Variants in SLK observed in about 807,000 individuals in gnomAD.
SLK encodes STE20 like kinase.
In SLK, 67 loss-of-function variants were observed where a neutral mutation model predicts 147.7. The observed-to-expected ratio is 0.45, with a 90% CI of 0.37 to 0.56. The LOEUF (loss-of-function observed/expected upper bound fraction) is 0.56. SLK is among the 20% of genes least tolerant of loss of function. The pLI, the probability that SLK is intolerant of heterozygous loss-of-function variation, is 0.00. For missense variants in SLK, 1,136 were observed against 1,438.8 expected (o/e 0.79, Z 3.41); for synonymous variants, 441 against 475.0 (o/e 0.93, Z 0.93).
Position 104,019,783 on chromosome 10 carries a change from AAAAC to A in SLK, c.3184_3187del (p.Asn1062AspfsTer28). 1 of 1,614,178 alleles carries A rather than the reference AAAAC, an allele frequency of 6.2e-7. No individual in the cohort carries two copies. The highest frequency in any genetic ancestry group is 8.5e-7 in the Non-Finnish European group (1 of 1,179,966). On this transcript the variant is annotated frameshift_variant, in exon 16 of 19. Coordinates refer to ENST00000369755, the MANE Select transcript of SLK (RefSeq NM_014720.4). LOFTEE classifies it high-confidence loss of function. ...AATCAAAGACTTATTGAGGAATTGA[AAAAC>A]AGACAGACTCAAGAAAGAGCAAGAC...
chr10:104,012,625 A>G (rs1844414174), intron 13 of SLK, among the ~76,000 whole-genome samples: 1 of 152,214 alleles, frequency 6.6e-6, no homozygotes, highest in Non-Finnish European at 1.5e-5. Flanking sequence ...ACACCTGGGT[A>G]GTGGTAGAGC....
In SLK at chr10:103,993,065, A is replaced by G. The variant is rs1403149915; in HGVS notation, c.446A>G (p.Asn149Ser). The G allele has an allele frequency of 1.2e-6, 2 of 1,611,142 alleles. No homozygotes were observed. ...GATGCATTGAACTACTTACATGATA[A>G]TAAGATCATCCACAGAGATCTGAAG... Reference protein sequence around the residue: ...TLDALNYLHDNKIIHRDLKAG... With the variant: ...TLDALNYLHDSKIIHRDLKAG... Residue 149 changes from asparagine to serine, a missense_variant, in exon 4 of 19, where the codon AAT becomes AGT. Transcript: ENST00000369755.
At chr10:104,001,977 A>C (rs987406704) in intron 8 of SLK, among the ~76,000 whole-genome samples, 195 bp from the exon 9 acceptor site, 4 of 152,138 alleles carry the variant, frequency 2.6e-5, no homozygotes, top group Non-Finnish European at 5.9e-5. Flanking sequence ...CGGTCTCCCA[A>C]AGTGCTGGGA....
At position 104,028,764 on chromosome 10, in the gene SLK, A is replaced by G. The variant is rs1475343685; in HGVS notation, c.*3044A>G. 1.3e-5 allele frequency: 2 copies of G among 152,200 alleles called. No individual in the cohort carries two copies. Among genetic ancestry groups the G allele is most frequent in the Non-Finnish European group, 2.9e-5 (2 of 68,046 alleles). The allele number at this position is 152,200 out of a possible 1,614,324, so 9.4% of individuals were successfully genotyped here. On this transcript the variant is annotated 3_prime_UTR_variant, in exon 19 of 19. Transcript: ENST00000369755. ...TCCCATTCCACACTGTGCTTAAATG[A>G]CAAAGACTCTTCTGAGAAGCCAAAT...
chr10:104,003,267 A>C lies in SLK; in HGVS notation c.2089A>C (p.Thr697Pro). 3 of 1,613,836 alleles carry C rather than the reference A, an allele frequency of 1.9e-6. No individual in the cohort carries two copies. The highest frequency in any genetic ancestry group is 2.5e-6 in the Non-Finnish European group (3 of 1,179,922). ...GTCAATTAAAAAAGAGCCTGAAGTT[A>C]CTGTAGTTTCACAGCCCACTGAACC... ...PVSIKKEPEVTVVSQPTEPQP... is the reference protein window; with the variant it reads ...PVSIKKEPEVPVVSQPTEPQP... Residue 697 changes from threonine (T) to proline (P), a missense_variant, in exon 9 of 19, where the codon ACT becomes CCT. Around this residue, in one of 6 missense-constraint regions of SLK, gnomAD observed 516 missense variants for 531.3 expected, o/e 0.97. Coordinates refer to ENST00000369755, the MANE Select transcript of SLK (RefSeq NM_014720.4).
At chr10:103,976,003 G>A (rs1431388289) in intron 1 of SLK, among the ~76,000 whole-genome samples, 4 of 152,048 alleles carry the variant, frequency 2.6e-5, no homozygotes, top group African/African-American at 9.7e-5. Flanking sequence ...CCCAGGCTCA[G>A]GTGATCCTCC....
chr10:103,975,415 C>A (rs1051640672), intron 1 of SLK, among the ~76,000 whole-genome samples: 8 of 152,118 alleles, frequency 5.3e-5, no homozygotes, highest in African/African-American at 1.7e-4. Context: ...CTGCCTTCCC[C>A]GCCAAACCTA....
At chr10:103,982,885 A>G (rs1319993297) in intron 1 of SLK, among the ~76,000 whole-genome samples, 1 of 152,214 alleles carries the variant, frequency 6.6e-6, no homozygotes, top group Non-Finnish European at 1.5e-5. Context: ...TGTGGGGGCC[A>G]GTTGGATAGG....
chr10:103,986,679 T>TG (rs1211493273), intron 1 of SLK, among the ~76,000 whole-genome samples: 1 of 141,464 alleles, frequency 7.1e-6, no homozygotes, highest in African/African-American at 2.6e-5. Flanking sequence ...TTTTTTTTTT[T>TG]TTTTTTTTTT....
intron 4 of SLK, among the ~76,000 whole-genome samples, chr10:103,997,198 G>A (rs999296204): frequency 9.2e-5 from 14 of 152,216 alleles, no homozygotes; most frequent in African/African-American, 3.1e-4. Flanking sequence ...TGTGACTGGC[G>A]TATTTTACTT....
rs1337373599 is a variant in SLK, at chr10:104,010,873, A to G, written c.2842A>G (p.Arg948Gly). Reference sequence around the variant, plus strand: ...GCTGAGAAAAGAGCTCATGAAACGCAGGAAAGAGGAGCTTGCACAAAGCCA... The same window carrying G: ...GCTGAGAAAAGAGCTCATGAAACGCGGGAAAGAGGAGCTTGCACAAAGCCA... The part of the protein sequence containing the change: ...KELRKELMKR[R>G]KEELAQSQHA... The change falls in exon 13 of 19, where the codon AGG becomes GGG. Residue 948 changes from arginine to glycine, a missense_variant. Physicochemically the swap from Arg to Gly is moderately radical, Grantham distance 125. Coordinates refer to ENST00000369755, the MANE Select transcript of SLK (RefSeq NM_014720.4). The G allele has an allele frequency of 8.1e-6, 13 of 1,596,768 alleles. No individual in the cohort carries two copies. Among genetic ancestry groups the G allele is most frequent in the South Asian group, 1.1e-5 (1 of 87,804 alleles).
rs1018327773 is a variant in SLK, at chr10:104,021,670, G to T, written c.3498G>T (p.Glu1166Asp). ...LVEHETQKLKELDEEHSQELK... is the reference protein window; with the variant it reads ...LVEHETQKLKDLDEEHSQELK... ...AGCATGAGACTCAGAAACTGAAGGA[G>T]TTAGATGAGGAACATAGCCAAGAAT... Residue 1166 changes from glutamate (E) to aspartate (D), a missense_variant, in exon 18 of 19, where the codon GAG (glutamate) becomes GAT (aspartate). Glu to Asp is a conservative substitution (Grantham distance 45, BLOSUM62 2). Transcript: ENST00000369755. 4.3e-6 allele frequency: 7 copies of T among 1,611,596 alleles called. No homozygotes were observed. The Middle Eastern group carries it at 4.9e-4, about 114-fold the overall frequency.
rs1462639705 is a variant in SLK, at chr10:103,999,071, CA to C, written c.588-46del. ...ATAATTGATTATACCATGTGTTTTG[CA>C]ATCACTGTTCTTAAACATGTTAACT... On this transcript the variant is annotated intron_variant, in intron 5 of 18. Coordinates refer to ENST00000369755, the MANE Select transcript of SLK (RefSeq NM_014720.4). 1.9e-6 allele frequency: 3 copies of C among 1,558,434 alleles called. No individual in the cohort carries two copies. The South Asian group carries it at 3.5e-5, about 18-fold the overall frequency.
chr10:103,970,128 A>G (rs1843773466), intron 1 of SLK, among the ~76,000 whole-genome samples: 3 of 152,200 alleles, frequency 2.0e-5, no homozygotes, highest in Admixed American at 1.3e-4. Context: ...TGAGGATTGA[A>G]AAAGATAATA....
intron 18 of SLK, among the ~76,000 whole-genome samples, chr10:104,022,712 A>G (rs1004996248): frequency 2.0e-5 from 3 of 152,056 alleles, no homozygotes; most frequent in African/African-American, 7.2e-5. Context: ...GGTTCAAGCA[A>G]TTCCTCTGCC....
chr10:104,020,399 C>A, intron 16 of SLK, 89 bp from the exon 17 acceptor site: 1 of 1,277,362 alleles, frequency 7.8e-7, no homozygotes, highest in Non-Finnish European at 1.1e-6. Context: ...GTTTATTGTG[C>A]CTTGTTTTGT....
intron 4 of SLK, among the ~76,000 whole-genome samples, chr10:103,996,183 T>TGG (rs1844169636): frequency 6.6e-6 from 1 of 152,218 alleles, no homozygotes; most frequent in Non-Finnish European, 1.5e-5. Flanking sequence ...TTAGTTTTGC[T>TGG]GGATAACAAA....
At chr10:104,017,076 A>G (rs545306279) in intron 13 of SLK, among the ~76,000 whole-genome samples, 69 of 152,298 alleles carry the variant, frequency 4.5e-4, no homozygotes, top group African/African-American at 1.5e-3. Flanking sequence ...CAGAAAGACC[A>G]TAAGTCACTT....
intron 10 of SLK, 62 bp downstream of exon 10, chr10:104,005,753 CAGA>C (rs1393558323): frequency 8.5e-6 from 13 of 1,537,338 alleles, no homozygotes; most frequent in Non-Finnish European, 1.1e-5. Context: ...TCTGAAAAGT[CAGA>C]AGAATAGAGA....
Sources: gnomAD v4.1 joint callset for allele counts (sites outside exome capture counted in the v4.1 genomes callset) on GRCh38, gnomAD v4.1.1 for gene constraint, gnomAD v4.1.1 regional missense constraint, MANE v1.5 for transcripts, NCBI Gene and HGNC (gene_info 2026-07-23, HGNC 2026-07-21) for gene names.